Variants in NCAM2 observed in about 807,000 individuals in gnomAD.
NCAM2 encodes the protein neural cell adhesion molecule 2, also known as N-CAM-2.
Under a neutral mutation model 98.1 loss-of-function variants are expected in NCAM2, and 30 were observed. That is an observed-to-expected ratio of 0.31 (90% CI 0.23 to 0.41). NCAM2 has a LOEUF of 0.41. NCAM2 is among the 10% of genes least tolerant of loss of function. NCAM2 has a pLI of 1.00. For synonymous variants in NCAM2, 368 were observed against 342.4 expected (o/e 1.07, Z -0.83); for missense variants, 867 against 1,005.8 (o/e 0.86, Z 1.87).
chr21:21,265,031 G>GTGTCTGTGTATATATATACACATA (rs1568855390), intron 1 of NCAM2, among the ~76,000 whole-genome samples: 2 of 65,530 alleles, frequency 3.1e-5, no homozygotes, highest in African/African-American at 4.5e-5. Context: ...ATGTGTCTGT[G>GTGTCTGTGTATATATATACACATA]TATATATGTA....
intron 1 of NCAM2, among the ~76,000 whole-genome samples, chr21:20,999,332 T>A (rs2063976833): frequency 6.6e-6 from 1 of 151,344 alleles, no homozygotes; most frequent in Non-Finnish European, 1.5e-5. Flanking sequence ...GTGGGAGAAC[T>A]GGTGGAAGCT....
At chr21:21,214,711 TA>T (rs1296733005) in intron 1 of NCAM2, among the ~76,000 whole-genome samples, 1 of 110,920 alleles carries the variant, frequency 9.0e-6, no homozygotes, top group Non-Finnish European at 1.9e-5. Flanking sequence ...GGGGAGTAAA[TA>T]TATATATTCC....
chr21:21,080,045 G>A (rs956659930), intron 1 of NCAM2, among the ~76,000 whole-genome samples: 4 of 152,078 alleles, frequency 2.6e-5, no homozygotes, highest in Non-Finnish European at 5.9e-5. Flanking sequence ...ATTTTGTTAA[G>A]AGGGTAGATC....
intron 1 of NCAM2, among the ~76,000 whole-genome samples, chr21:21,139,235 T>C (rs1601474433): frequency 6.6e-6 from 1 of 152,356 alleles, no homozygotes; most frequent in East Asian, 1.9e-4. Context: ...AATCAAGGCT[T>C]GGCGAAGGCC....
At chr21:21,216,582 G>C (rs2069909639) in intron 1 of NCAM2, among the ~76,000 whole-genome samples, 1 of 152,168 alleles carries the variant, frequency 6.6e-6, no homozygotes, top group Non-Finnish European at 1.5e-5. Flanking sequence ...TAGCATTACT[G>C]TGAGATTAGG....
chr21:21,260,563 A>AG (rs1259444992), intron 1 of NCAM2, among the ~76,000 whole-genome samples: 1 of 8,214 alleles, frequency 1.2e-4, no homozygotes, highest in East Asian at 3.9e-3. Context: ...GCCTTCTTGA[A>AG]GAAAAAAAAA....
chr21:21,363,033 C>T (rs2075687799), intron 8 of NCAM2, among the ~76,000 whole-genome samples: 1 of 151,990 alleles, frequency 6.6e-6, no homozygotes, highest in South Asian at 2.1e-4. Flanking sequence ...TAAAACAAAA[C>T]ACAAATTTAT....
At chr21:21,295,146 G>T (rs556057962) in intron 5 of NCAM2, among the ~76,000 whole-genome samples, 1 of 151,770 alleles carries the variant, frequency 6.6e-6, no homozygotes, top group African/African-American at 2.4e-5. Context: ...CACATGCAGC[G>T]CTTCCTTGTC....
Position 21,540,610 on chromosome 21 carries a change from A to T in NCAM2, c.*2653A>T, listed in dbSNP as rs986715504. 4.6e-5 allele frequency: 7 copies of T among 152,132 alleles called. No homozygotes were observed. The highest frequency in any genetic ancestry group is 8.8e-5 in the Non-Finnish European group (6 of 67,982). The allele number at this position is 152,132 out of a possible 1,614,324, so 9.4% of individuals were successfully genotyped here. On this transcript the variant is annotated 3_prime_UTR_variant, in exon 18 of 18. Coordinates refer to ENST00000400546, the MANE Select transcript of NCAM2 (RefSeq NM_004540.5). ...GTTTCATTCTTATTCTAGATTAAAC[A>T]AACATATACATATAACCATATAAAT... is the stretch of plus-strand genomic sequence containing the variant.
rs34341259 is a variant in NCAM2, at chr21:21,316,533, C to CTTT, written c.620-7832_620-7830dup. 3.5e-3 allele frequency among the ~76,000 whole-genome samples: 387 copies of CTTT among 110,850 alleles called. 13 individuals carry two copies. Among genetic ancestry groups the CTTT allele is most frequent in the Middle Eastern group, 0.011 (2 of 174 alleles). 72.7% of individuals were successfully genotyped at this position (110,850 alleles called of 152,430 possible). ...TCATCTTCCAATTTTATCTTTTATT[C>CTTT]TTTTTTTTTTTTTTTTTTTTGAGAC... On this transcript the variant is annotated intron_variant, in intron 5 of 17. Transcript: ENST00000400546.
intron 12 of NCAM2, among the ~76,000 whole-genome samples, chr21:21,437,500 G>GTGTGTGTGTGTGTGTGTGTT (rs376341122): frequency 6.6e-6 from 1 of 151,524 alleles, no homozygotes; most frequent in African/African-American, 2.4e-5. Flanking sequence ...GTGTGTGTGT[G>GTGTGTGTGTGTGTGTGTGTT]TTTCTAGCAC....
chr21:21,124,004 C>T (rs373056764), intron 1 of NCAM2, among the ~76,000 whole-genome samples: 1 of 151,816 alleles, frequency 6.6e-6, no homozygotes, highest in South Asian at 2.1e-4. Flanking sequence ...CCCGCCAGCA[C>T]GCCCAGCTAA....
At chr21:21,423,948 G>T (rs1246137652) in intron 11 of NCAM2, among the ~76,000 whole-genome samples, 2 of 152,110 alleles carry the variant, frequency 1.3e-5, no homozygotes, top group Non-Finnish European at 2.9e-5. Flanking sequence ...TGGAATTATG[G>T]CCGATCTACT....
At chr21:21,147,758 ATG>A (rs905124664) in intron 1 of NCAM2, among the ~76,000 whole-genome samples, 23 of 148,184 alleles carry the variant, frequency 1.6e-4, no homozygotes, top group African/African-American at 2.7e-4. Context: ...CATGTTTTTG[ATG>A]TGTGTGCATA....
chr21:21,386,675 G>A (rs948120212), intron 9 of NCAM2, among the ~76,000 whole-genome samples: 1 of 152,010 alleles, frequency 6.6e-6, no homozygotes, highest in Non-Finnish European at 1.5e-5. Context: ...ACTGTCGATT[G>A]TCCTCGTTTT....
At chr21:21,348,685 A>G (rs1345815315) in intron 8 of NCAM2, among the ~76,000 whole-genome samples, 1 of 152,164 alleles carries the variant, frequency 6.6e-6, no homozygotes, top group Admixed American at 6.5e-5. Context: ...ACTTCAAATG[A>G]TACTATAGAG....
chr21:21,514,463 C>A lies in NCAM2; in HGVS notation c.2282+5408C>A, dbSNP rs187232218. Among the ~76,000 whole-genome samples the A allele has an allele frequency of 4.6e-5, 3 of 65,204 alleles. No individual in the cohort carries two copies. In the South Asian group the frequency reaches 1.9e-3, roughly 42 times the overall value. The allele number at this position is 65,204 out of a possible 152,430, so 42.8% of individuals were successfully genotyped here. A position where few individuals can be genotyped will look rare whatever the true frequency, so the allele number is the denominator to read the frequency against. The stretch of plus-strand genomic sequence containing the variant: ...CTGGGCAACAAGAGCAAAACTTTGT[C>A]TCAAAAAACAAAAAAAAAAAAAAAA... On this transcript the variant is annotated intron_variant, in intron 16 of 17. Transcript: ENST00000400546.
intron 5 of NCAM2, among the ~76,000 whole-genome samples, chr21:21,311,022 A>G (rs998507689): frequency 2.6e-5 from 4 of 152,216 alleles, no homozygotes; most frequent in Admixed American, 1.3e-4. Flanking sequence ...ATCAGGTAGT[A>G]TCATTTATCC....
intron 12 of NCAM2, among the ~76,000 whole-genome samples, chr21:21,435,628 A>G (rs2146048684): frequency 6.6e-6 from 1 of 152,226 alleles, no homozygotes; most frequent in Middle Eastern, 3.4e-3. Context: ...AATCTTAGGT[A>G]TTTAATGTTT....
Sources: allele counts gnomAD v4.1 joint callset (sites outside exome capture counted in the v4.1 genomes callset), GRCh38; gene constraint gnomAD v4.1.1; transcripts MANE v1.5; gene names NCBI Gene and HGNC (gene_info 2026-07-23, HGNC 2026-07-21).